CDH11: variants seen among roughly 807,000 people sequenced by gnomAD.
CDH11 encodes cadherin-11.
CDH11 carries 11 observed loss-of-function variants against 67.8 expected under a neutral mutation model. The ratio of observed to expected loss-of-function variants is 0.16; its 90% CI spans 0.10 to 0.27. The LOEUF is 0.27. CDH11 is among the 10% of genes least tolerant of loss of function. CDH11 has a pLI of 1.00. For synonymous variants in CDH11, 419 were observed against 400.0 expected, an observed-to-expected ratio of 1.05 and a Z score of -0.57; for missense variants, 847 against 1,031.2, an observed-to-expected ratio of 0.82 and a Z score of 2.45.
intron 8 of CDH11, among the ~76,000 whole-genome samples, chr16:64,976,159 G>A (rs1475205661): frequency 2.6e-5 from 4 of 152,150 alleles, no homozygotes; most frequent in Non-Finnish European, 5.9e-5. Context: ...AGAAAGATCA[G>A]CCTAGGAGCA....
At chr16:64,958,667 A>G (rs1261223371) in intron 11 of CDH11, among the ~76,000 whole-genome samples, 1 of 152,142 alleles carries the variant, frequency 6.6e-6, no homozygotes, top group Non-Finnish European at 1.5e-5. Flanking sequence ...CACATAACTG[A>G]CCCTGGAACA....
chr16:65,008,637 T>TA (rs1310936308), intron 2 of CDH11, among the ~76,000 whole-genome samples: 3 of 152,172 alleles, frequency 2.0e-5, no homozygotes, highest in African/African-American at 4.8e-5. Flanking sequence ...TATGCAGACT[T>TA]ACGCTTCTAG....
intron 3 of CDH11, among the ~76,000 whole-genome samples, chr16:65,001,635 C>G (rs1289492821): frequency 1.3e-5 from 2 of 152,110 alleles, no homozygotes; most frequent in Non-Finnish European, 2.9e-5. Flanking sequence ...TCATGATCAG[C>G]CAAATAACTA....
intron 8 of CDH11, among the ~76,000 whole-genome samples, chr16:64,974,313 T>C (rs891667916): frequency 1.3e-5 from 2 of 152,102 alleles, no homozygotes; most frequent in Non-Finnish European, 1.5e-5. Flanking sequence ...CTCTTAGAGG[T>C]CTAAGCTATG....
At chr16:65,071,224 C>T (rs774802500) in intron 1 of CDH11, among the ~76,000 whole-genome samples, 21 of 152,170 alleles carry the variant, frequency 1.4e-4, no homozygotes, top group South Asian at 6.2e-4. Context: ...CCAGCAAGCC[C>T]GTTAACGATT....
At chr16:65,040,648 T>A (rs2073851189) in intron 2 of CDH11, among the ~76,000 whole-genome samples, 1 of 152,144 alleles carries the variant, frequency 6.6e-6, no homozygotes, top group Non-Finnish European at 1.5e-5. Flanking sequence ...ATGGCACATG[T>A]ATACATATGT....
intron 8 of CDH11, among the ~76,000 whole-genome samples, chr16:64,980,902 C>A (rs1405702083): frequency 1.3e-5 from 2 of 151,880 alleles, no homozygotes; most frequent in Non-Finnish European, 1.5e-5. Flanking sequence ...GGAAAAGAAA[C>A]CCCTGCTAGA....
At chr16:65,078,232 T>A (rs555311926) in intron 1 of CDH11, among the ~76,000 whole-genome samples, 4 of 152,328 alleles carry the variant, frequency 2.6e-5, no homozygotes, top group African/African-American at 7.2e-5. Flanking sequence ...GCTATAAGAC[T>A]TTACAGTATT....
Position 64,947,391 on chromosome 16 carries a change from C to A in CDH11, c.*212G>T. The A allele has an allele frequency of 5.4e-6, 7 of 1,288,410 alleles. No homozygotes were observed. Among genetic ancestry groups the A allele is most frequent in the South Asian group, 2.6e-5 (1 of 38,538 alleles). 79.8% of individuals were successfully genotyped at this position (1,288,410 alleles called of 1,614,324 possible). A position where few individuals can be genotyped will look rare whatever the true frequency, so the allele number is the denominator to read the frequency against. ...TTTTTTTTCTAGCGAAGTTGATAAACAACTTCAATATTTGCCTTTTTGTGA... is the reference window on the plus strand; with the variant it reads ...TTTTTTTTCTAGCGAAGTTGATAAAAAACTTCAATATTTGCCTTTTTGTGA... On this transcript the variant is annotated 3_prime_UTR_variant, in exon 13 of 13. Coordinates refer to ENST00000268603, the MANE Select transcript of CDH11 (RefSeq NM_001797.4).
In CDH11 at chr16:64,951,061, A is replaced by T. The variant is rs565044007; in HGVS notation, c.1643-43T>A. On this transcript the variant is annotated intron_variant, in intron 11 of 12. Coordinates refer to ENST00000268603, the MANE Select transcript of CDH11 (RefSeq NM_001797.4). Reference sequence around the variant, plus strand: ...ACAGGCCGTGCGCCCAGTCAAGACCATTGGAATCACAGCGGCTCTCTGCTC... The same window carrying T: ...ACAGGCCGTGCGCCCAGTCAAGACCTTTGGAATCACAGCGGCTCTCTGCTC... 4.5e-5 allele frequency: 71 copies of T among 1,589,464 alleles called. 3 individuals are homozygous for T. The South Asian group carries it at 5.5e-4, about 12-fold the overall frequency.
chr16:65,053,671 C>A, intron 2 of CDH11, 133 bp downstream of exon 2: 2 of 392,104 alleles, frequency 5.1e-6, no homozygotes, highest in South Asian at 1.9e-5. Flanking sequence ...CTTTCTCTCC[C>A]TCTCAGATTC....
At chr16:64,973,721 C>A (rs1698207848) in intron 8 of CDH11, among the ~76,000 whole-genome samples, 1 of 151,988 alleles carries the variant, frequency 6.6e-6, no homozygotes, top group Non-Finnish European at 1.5e-5. Flanking sequence ...GCATGAGAAT[C>A]ATTGAATCCG....
At chr16:65,069,895 C>T (rs1207080591) in intron 1 of CDH11, among the ~76,000 whole-genome samples, 1 of 152,132 alleles carries the variant, frequency 6.6e-6, no homozygotes, top group Admixed American at 6.5e-5. Context: ...ACCAGGGACA[C>T]GGTGATGAAC....
chr16:65,107,791 T>C (rs538451099), intron 1 of CDH11, among the ~76,000 whole-genome samples: 2 of 152,280 alleles, frequency 1.3e-5, no homozygotes, highest in East Asian at 1.9e-4. Flanking sequence ...GAAAGTGCCA[T>C]GCCAAGTGAT....
At chr16:65,000,696 C>A (rs1190223804) in intron 3 of CDH11, among the ~76,000 whole-genome samples, 3 of 152,136 alleles carry the variant, frequency 2.0e-5, no homozygotes, top group African/African-American at 4.8e-5. Context: ...GTAATCCCAG[C>A]TACTTGGGAG....
intron 9 of CDH11, among the ~76,000 whole-genome samples, chr16:64,972,265 C>A (rs144903272): frequency 5.5e-4 from 84 of 152,264 alleles, no homozygotes; most frequent in Non-Finnish European, 1.0e-3. Flanking sequence ...AATATTAAGA[C>A]CAGTAAGAAC....
rs566266398 is a variant in CDH11 at position 64,945,200 on chromosome 16, C to T, written c.*2403G>A. The T allele has an allele frequency of 2.9e-5, 6 of 206,910 alleles. No homozygotes were observed. In the East Asian group the frequency reaches 4.6e-4, roughly 16 times the overall value. The allele number at this position is 206,910 out of a possible 1,614,324, so 12.8% of individuals were successfully genotyped here. On this transcript the variant is annotated 3_prime_UTR_variant, in exon 13 of 13. Coordinates refer to ENST00000268603, the MANE Select transcript of CDH11 (RefSeq NM_001797.4). ...TTAAGACTTCTTTTAAGGCAATGTG[C>T]TCCAAATGAAAAAGGACTCCACTAG...
chr16:65,117,084 A>T (rs7404236), intron 1 of CDH11, among the ~76,000 whole-genome samples: 19,413 of 152,224 alleles, frequency 0.13, 1,340 homozygotes, highest in East Asian at 0.21. Flanking sequence ...TGCCCCTTTT[A>T]AAGTTAAATA....
rs552351437 is a variant in CDH11 at position 65,001,130 on chromosome 16, C to A, written c.229-2274G>T. On this transcript the variant is annotated intron_variant, in intron 3 of 12. Transcript: ENST00000268603. Reference sequence around the variant, plus strand: ...TTGATTTGCAGCGCTTCAGTGAAACCCCAATTATTTCAGCTCGGGGGTTAC... The same window carrying A: ...TTGATTTGCAGCGCTTCAGTGAAACACCAATTATTTCAGCTCGGGGGTTAC... 2.6e-5 allele frequency among the ~76,000 whole-genome samples: 4 copies of A among 151,974 alleles called. 1 individual carries two copies. The highest frequency in any genetic ancestry group is 5.9e-5 in the Non-Finnish European group (4 of 67,996).
Sources: gnomAD v4.1 joint callset for allele counts (sites outside exome capture counted in the v4.1 genomes callset) on GRCh38, gnomAD v4.1.1 for gene constraint, MANE v1.5 for transcripts, NCBI Gene and HGNC (gene_info 2026-07-23, HGNC 2026-07-21) for gene names.